Variants in TRAK1 observed in about 807,000 individuals in gnomAD.
TRAK1 encodes trafficking kinesin-binding protein 1.
A neutral mutation model predicts 92.1 loss-of-function variants in TRAK1; 33 were observed. The observed-to-expected ratio is 0.36, with a 90% confidence interval of 0.27 to 0.48. The LOEUF is 0.48. Ranked by LOEUF, TRAK1 falls within the 20% of genes least tolerant of loss-of-function variation. The probability of loss-of-function intolerance (pLI) is 0.99; values close to 1 mark genes in which losing one functional copy is unlikely to be tolerated. For synonymous variants in TRAK1, 521 were observed against 517.3 expected, an observed-to-expected ratio of 1.01 and a Z score of -0.10; for missense variants, 1,123 against 1,257.9, an observed-to-expected ratio of 0.89 and a Z score of 1.62.
intron 12 of TRAK1, among the ~76,000 whole-genome samples, chr3:42,201,883 G>GACACACACACACACACACACACAC (rs56336064): frequency 8.0e-6 from 1 of 125,080 alleles, no homozygotes; most frequent in African/African-American, 3.1e-5. Flanking sequence ...CGGACAGACG[G>GACACACACACACACACACACACAC]ACACACACAC....
chr3:42,177,096 A>G (rs1395491401), intron 3 of TRAK1, among the ~76,000 whole-genome samples: 1 of 152,232 alleles, frequency 6.6e-6, no homozygotes. Flanking sequence ...TTAAAGGAAT[A>G]TATTAATGGC....
At chr3:42,043,502 CT>C (rs1315126860) in intron 1 of TRAK1, among the ~76,000 whole-genome samples, 1 of 152,106 alleles carries the variant, frequency 6.6e-6, no homozygotes, top group African/African-American at 2.4e-5. Flanking sequence ...CCCTCCACCC[CT>C]ACCCCCAGCC....
intron 1 of TRAK1, among the ~76,000 whole-genome samples, chr3:42,119,650 C>G (rs977772949): frequency 6.6e-6 from 1 of 152,190 alleles, no homozygotes; most frequent in Non-Finnish European, 1.5e-5. Context: ...AAGCATGGCT[C>G]CAGCACCAGG....
At chr3:42,122,574 C>T (rs1394615903) in intron 1 of TRAK1, among the ~76,000 whole-genome samples, 1 of 152,168 alleles carries the variant, frequency 6.6e-6, no homozygotes, top group Non-Finnish European at 1.5e-5. Flanking sequence ...TGTTTAACCC[C>T]ATGTTCCCTC....
intron 1 of TRAK1, among the ~76,000 whole-genome samples, chr3:42,052,299 T>C (rs1453241519): frequency 6.6e-6 from 1 of 152,216 alleles, no homozygotes; most frequent in Non-Finnish European, 1.5e-5. Flanking sequence ...TGCAAATTCT[T>C]GGGTCTTCAG....
Position 42,091,407 on chromosome 3 carries a change from G to A in TRAK1, c.-63G>A, listed in dbSNP as rs1282932560. On this transcript the variant is annotated 5_prime_UTR_variant, in exon 1 of 16. Coordinates refer to ENST00000327628, the MANE Select transcript of TRAK1 (RefSeq NM_001042646.3). ...AGGGTGGCTGTGCGAGGTACTGCCG[G>A]GGCTGAGCTCTCATGGAGGCTCTCT... The A allele has an allele frequency of 6.6e-7, 1 of 1,507,394 alleles. No individual in the cohort carries two copies. The highest frequency in any genetic ancestry group is 9.1e-7 in the Non-Finnish European group (1 of 1,093,878). The allele number at this position is 1,507,394 out of a possible 1,614,324, so 93.4% of individuals were successfully genotyped here. A position where few individuals can be genotyped will look rare whatever the true frequency, so the allele number is the denominator to read the frequency against.
intron 2 of TRAK1, among the ~76,000 whole-genome samples, chr3:42,165,002 A>G (rs1004388755): frequency 1.1e-4 from 17 of 152,308 alleles, no homozygotes; most frequent in African/African-American, 4.1e-4. Flanking sequence ...AATGAAATGC[A>G]TCAAGAAGCC....
intron 10 of TRAK1, 147 bp downstream of exon 10, chr3:42,195,088 G>C: frequency 1.0e-6 from 1 of 988,248 alleles, no homozygotes. Flanking sequence ...AAGGACACTT[G>C]AATCTGACTG....
At chr3:42,024,787 G>A (rs1046739171) in intron 1 of TRAK1, among the ~76,000 whole-genome samples, 4 of 152,152 alleles carry the variant, frequency 2.6e-5, no homozygotes, top group South Asian at 4.1e-4. Context: ...GAAATGTGGC[G>A]TTCTTTGTCT....
intron 10 of TRAK1, among the ~76,000 whole-genome samples, chr3:42,198,542 G>T (rs1707075195): frequency 6.6e-6 from 1 of 152,198 alleles, no homozygotes; most frequent in African/African-American, 2.4e-5. Flanking sequence ...GAGGATGAGA[G>T]CAGGGACCTA....
At chr3:42,013,733 C>T (rs1701399046), upstream of TRAK1, 1 of 147,826 alleles carries the variant, frequency 6.8e-6, no homozygotes, top group Admixed American at 6.7e-5. This position sits in a 1 kb window ranked among gnomAD's most constrained non-coding sequence, Gnocchi z 5.1. Context: ...CGCCCCGGGG[C>T]CCACCCGGCC....
chr3:42,023,337 A>G (rs1701794598), intron 1 of TRAK1, among the ~76,000 whole-genome samples: 3 of 152,138 alleles, frequency 2.0e-5, no homozygotes, highest in African/African-American at 2.4e-5. Context: ...TTGCATCCAC[A>G]TTAGGTCACT....
At chr3:42,153,210 C>T (rs1335078324) in intron 2 of TRAK1, among the ~76,000 whole-genome samples, 2 of 151,914 alleles carry the variant, frequency 1.3e-5, no homozygotes, top group South Asian at 2.1e-4. Flanking sequence ...TTGAGAGCAG[C>T]GTGGGTAACA....
chr3:42,207,032 G>A (rs1330020397), intron 13 of TRAK1, among the ~76,000 whole-genome samples: 1 of 152,188 alleles, frequency 6.6e-6, no homozygotes, highest in East Asian at 1.9e-4. Flanking sequence ...AGAAGGATGA[G>A]GAGGTTGGCA....
chr3:42,191,533 C>T, intron 6 of TRAK1, 25 bp from the exon 7 acceptor site: 2 of 1,568,308 alleles, frequency 1.3e-6, no homozygotes, highest in Non-Finnish European at 8.7e-7. Context: ...GAATGTGGGG[C>T]CTCTGACCTG....
Position 42,211,295 on chromosome 3 carries a change from T to G in TRAK1, c.1963+1310T>G, listed in dbSNP as rs79410652. ...TTTACTTGGGATCAACTTTTCCTTT[T>G]TTCCTTGACATTAATTTTAGAGAAG... On this transcript the variant is annotated intron_variant, in intron 14 of 15. Coordinates refer to ENST00000327628, the MANE Select transcript of TRAK1 (RefSeq NM_001042646.3). 2.6e-3 allele frequency: 2,594 copies of G among 985,444 alleles called. 64 individuals carry two copies. The East Asian group carries it at 0.085, about 32-fold the overall frequency. The allele number at this position is 985,444 out of a possible 1,614,324, so 61.0% of individuals were successfully genotyped here.
At chr3:42,074,938 A>G (rs1303166585) in intron 1 of TRAK1, among the ~76,000 whole-genome samples, 1 of 152,150 alleles carries the variant, frequency 6.6e-6, no homozygotes, top group Non-Finnish European at 1.5e-5. Context: ...TTCCACTTAC[A>G]AATAAGAAAA....
Position 42,054,904 on chromosome 3 carries a change from A to ATTTTTTTTTTTTTTTTTTTTTT in TRAK1, c.-518-32187_-518-32166dup, listed in dbSNP as rs1157067369. 1.1e-4 allele frequency among the ~76,000 whole-genome samples: 4 copies of ATTTTTTTTTTTTTTTTTTTTTT among 37,086 alleles called. 1 individual carries two copies. The highest frequency in any genetic ancestry group is 1.8e-4 in the African/African-American group (2 of 11,090). 24.3% of individuals were successfully genotyped at this position (37,086 alleles called of 152,430 possible). Reference sequence around the variant, plus strand: ...TTGTAAATGATCTACAGCAAACTAGATTTTTTTTTTTTTTTTTTTTTTTTT... The same window carrying ATTTTTTTTTTTTTTTTTTTTTT: ...TTGTAAATGATCTACAGCAAACTAGATTTTTTTTTTTTTTTTTTTTTTTTTTTTTTTTTTTTTTTTTTTTTTT... On this transcript the variant is annotated intron_variant, in intron 1 of 16. Transcript: ENST00000487159.
chr3:42,112,781 T>G (rs1708628992), intron 1 of TRAK1, among the ~76,000 whole-genome samples: 1 of 151,760 alleles, frequency 6.6e-6, no homozygotes, highest in African/African-American at 2.4e-5. Flanking sequence ...GTTTGTTTGT[T>G]TGTTTTAAAG....
Sources: gnomAD v4.1 joint callset for allele counts (sites outside exome capture counted in the v4.1 genomes callset) on GRCh38, gnomAD v4.1.1 for gene constraint, Gnocchi (gnomAD v3.1) non-coding constraint, MANE v1.5 for transcripts, NCBI Gene and HGNC (gene_info 2026-07-23, HGNC 2026-07-21) for gene names.